SCARB1: variants seen among roughly 807,000 people sequenced by gnomAD.
SCARB1 encodes scavenger receptor class B member 1, also known as CD36 and LIMPII analogous 1.
SCARB1 carries 30 observed loss-of-function variants against 57.2 expected under a neutral mutation model. That is an observed-to-expected ratio of 0.52 (90% CI 0.39 to 0.71). SCARB1 has a LOEUF of 0.71. Among genes scored for constraint, SCARB1 ranks in the 30% least tolerant of loss-of-function variants. The pLI is 0.00. For missense variants in SCARB1, 543 were observed against 671.2 expected (o/e 0.81, Z 2.11); for synonymous variants, 249 against 268.3 (o/e 0.93, Z 0.70).
Position 124,814,079 on chromosome 12 carries a change from A to T in SCARB1, c.630+123T>A. 1.1e-6 allele frequency: 1 copy of T among 917,818 alleles called. No individual in the cohort carries two copies. Among genetic ancestry groups the T allele is most frequent in the Non-Finnish European group, 1.8e-6 (1 of 550,356 alleles). The allele number at this position is 917,818 out of a possible 1,614,324, so 56.9% of individuals were successfully genotyped here. ...GTTTGAGTCAGGTTCTCAGTCACTT[A>T]CAACCCACAGCCACTAGATCCCCAG... On this transcript the variant is annotated intron_variant, in intron 4 of 12. Transcript: ENST00000261693. The surrounding 1 kb of genome is among the most constrained non-coding windows in gnomAD (Gnocchi z 4.7).
rs199616248 is a variant in SCARB1 at position 124,787,381 on chromosome 12, G to A, written c.1254+25C>T. 2.4e-5 allele frequency: 39 copies of A among 1,611,942 alleles called. 1 individual carries two copies. Among genetic ancestry groups the A allele is most frequent in the Admixed American group, 1.3e-4 (8 of 59,864 alleles). ...ACATTGGCTCTTAACAAAAGCCCCC[G>A]ACGCTGTGCCCAACGCACCCTTACC... On this transcript the variant is annotated intron_variant, in intron 10 of 12. Coordinates refer to ENST00000261693, the MANE Select transcript of SCARB1 (RefSeq NM_005505.5).
At chr12:124,804,395 C>T (rs534193127) in intron 7 of SCARB1, among the ~76,000 whole-genome samples, 1 of 152,350 alleles carries the variant, frequency 6.6e-6, no homozygotes, top group Non-Finnish European at 1.5e-5. Flanking sequence ...AGGCAGCTTC[C>T]AGACAACATC....
intron 1 of SCARB1, among the ~76,000 whole-genome samples, chr12:124,827,884 T>A (rs1566212370): frequency 1.3e-5 from 2 of 152,234 alleles, no homozygotes; most frequent in East Asian, 1.9e-4. Flanking sequence ...TTGCTGTCCA[T>A]CTGTATCACC....
chr12:124,830,690 G>C (rs1951348621), intron 1 of SCARB1, among the ~76,000 whole-genome samples: 1 of 151,958 alleles, frequency 6.6e-6, no homozygotes, highest in South Asian at 2.1e-4. Flanking sequence ...TTTACACTTG[G>C]TATAGGGGGT....
chr12:124,810,211 C>G lies in SCARB1; in HGVS notation c.805G>C (p.Glu269Gln). 6.2e-7 allele frequency: 1 copy of G among 1,614,114 alleles called. No homozygotes were observed. Among genetic ancestry groups the G allele is most frequent in the Non-Finnish European group, 8.5e-7 (1 of 1,179,968 alleles). ...GQMWPPFMTP[E>Q]SSLEFYSPEA... ...GGGCTGTAGAACTCCAGCGAGGACT[C>G]AGGAGTCATGAAGGGCGGCCACATT... The change falls in exon 6 of 13, where the codon GAG becomes CAG. Residue 269 changes from glutamate (E) to glutamine (Q), a missense_variant. Transcript: ENST00000261693. This position sits in a 1 kb window ranked among gnomAD's most constrained non-coding sequence, Gnocchi z 4.0.
Position 124,810,368 on chromosome 12 carries a change from A to C in SCARB1, c.727-79T>G, listed in dbSNP as rs1444978865. Reference sequence around the variant, plus strand: ...AGCCCTCTCAGGTGCTGCACACCTAACTCACCCTGGTGCACGCACGGCCAC... The same window carrying C: ...AGCCCTCTCAGGTGCTGCACACCTACCTCACCCTGGTGCACGCACGGCCAC... On this transcript the variant is annotated intron_variant, in intron 5 of 12. Coordinates refer to ENST00000261693, the MANE Select transcript of SCARB1 (RefSeq NM_005505.5). This position sits in a 1 kb window ranked among gnomAD's most constrained non-coding sequence, Gnocchi z 4.0. 1.0e-6 allele frequency: 1 copy of C among 997,650 alleles called. No individual in the cohort carries two copies. The highest frequency in any genetic ancestry group is 1.8e-5 in the Admixed American group (1 of 56,286). The allele number at this position is 997,650 out of a possible 1,614,324, so 61.8% of individuals were successfully genotyped here.
rs1241662821 is a variant in SCARB1, at chr12:124,796,746, G to A, written c.1129-1478C>T. Among the ~76,000 whole-genome samples, 1 of 152,202 alleles carries A rather than the reference G, an allele frequency of 6.6e-6. No homozygotes were observed. Among genetic ancestry groups the A allele is most frequent in the African/African-American group, 2.4e-5 (1 of 41,450 alleles). On this transcript the variant is annotated intron_variant, in intron 8 of 12. Transcript: ENST00000261693. The surrounding 1 kb of genome is among the most constrained non-coding windows in gnomAD (Gnocchi z 4.0). ...GGACCTTCCAGGCCCCTGTGGCAAAGAAGAGCTCATTAAAGGCCTCACTTA... is the reference window on the plus strand; with the variant it reads ...GGACCTTCCAGGCCCCTGTGGCAAAAAAGAGCTCATTAAAGGCCTCACTTA...
At position 124,822,618 on chromosome 12, in the gene SCARB1, C is replaced by T. The variant is rs113537705; in HGVS notation, c.127-4911G>A. On this transcript the variant is annotated intron_variant, in intron 1 of 12. Transcript: ENST00000261693. The surrounding 1 kb of genome is among the most constrained non-coding windows in gnomAD (Gnocchi z 5.0). ...CATCAAATTAGGCCAGGCATGGTGG[C>T]TCACGCCTGTAATCCAAGGACTTTG... Among the ~76,000 whole-genome samples, 4 of 152,338 alleles carry T rather than the reference C, an allele frequency of 2.6e-5. 1 individual carries two copies. The highest frequency in any genetic ancestry group is 9.6e-5 in the African/African-American group (4 of 41,570).
rs947235408 is a variant in SCARB1, at chr12:124,796,400, A to T, written c.1129-1132T>A. Among the ~76,000 whole-genome samples the T allele has an allele frequency of 6.6e-6, 1 of 151,510 alleles. No homozygotes were observed. Among genetic ancestry groups the T allele is most frequent in the Non-Finnish European group, 1.5e-5 (1 of 67,950 alleles). ...CCACTATACCCAGCTCTTTTTAACG[A>T]GACTTTTTTTTTTAAGTAAATAACC... On this transcript the variant is annotated intron_variant, in intron 8 of 12. Coordinates refer to ENST00000261693, the MANE Select transcript of SCARB1 (RefSeq NM_005505.5). The surrounding 1 kb of genome is among the most constrained non-coding windows in gnomAD (Gnocchi z 4.0).
chr12:124,833,142 A>G (rs1277760171), intron 1 of SCARB1, among the ~76,000 whole-genome samples: 1 of 150,070 alleles, frequency 6.7e-6, no homozygotes, highest in African/African-American at 2.5e-5. Context: ...TTGTGAAAGC[A>G]TTGTGGCCCC....
intron 1 of SCARB1, among the ~76,000 whole-genome samples, chr12:124,821,741 C>T (rs1012199323): frequency 6.6e-6 from 1 of 152,118 alleles, no homozygotes; most frequent in Admixed American, 6.6e-5. Context: ...GTCTGAAGAC[C>T]CCGGGCACCA....
intron 1 of SCARB1, among the ~76,000 whole-genome samples, chr12:124,858,993 G>A (rs1368901944): frequency 3.3e-5 from 5 of 152,114 alleles, no homozygotes; most frequent in African/African-American, 7.2e-5. Context: ...TCCCACCTCA[G>A]CCTCTCAAGT....
intron 2 of SCARB1, among the ~76,000 whole-genome samples, 182 bp from the exon 3 acceptor site, chr12:124,815,296 G>A (rs932617585): frequency 1.1e-4 from 17 of 152,200 alleles, no homozygotes; most frequent in African/African-American, 3.4e-4. Context: ...CCTGCCCACT[G>A]CAGGACATGG....
intron 12 of SCARB1, among the ~76,000 whole-genome samples, chr12:124,778,912 A>C (rs2135510460): frequency 6.6e-6 from 1 of 152,302 alleles, no homozygotes; most frequent in South Asian, 2.1e-4. Flanking sequence ...AACCGGGGCA[A>C]GCTCTGTCCC....
rs374272658 is a variant in SCARB1, at chr12:124,844,741, G to T, written c.126+18854C>A. The stretch of plus-strand genomic sequence containing the variant: ...GCCAACATCCTGATCTCAGACTTCC[G>T]GCCTCCAGAACTGTACGGGAATACA... On this transcript the variant is annotated intron_variant, in intron 1 of 12. Transcript: ENST00000261693. Among the ~76,000 whole-genome samples, 6 of 152,244 alleles carry T rather than the reference G, an allele frequency of 3.9e-5. No individual in the cohort carries two copies. The East Asian group carries it at 1.2e-3, about 29-fold the overall frequency.
At chr12:124,790,404 CAG>C (rs918460613) in intron 9 of SCARB1, among the ~76,000 whole-genome samples, 3 of 149,408 alleles carry the variant, frequency 2.0e-5, no homozygotes, top group African/African-American at 7.5e-5. Flanking sequence ...AACAACAAAA[CAG>C]GGAGGGCTAG....
At chr12:124,856,817 C>T (rs558003730) in intron 1 of SCARB1, among the ~76,000 whole-genome samples, 13 of 152,316 alleles carry the variant, frequency 8.5e-5, no homozygotes, top group African/African-American at 2.6e-4. Flanking sequence ...GTCCAGCCCC[C>T]GGGGTCACTG....
intron 9 of SCARB1, among the ~76,000 whole-genome samples, chr12:124,791,469 A>G (rs1404855809): frequency 6.6e-6 from 1 of 152,182 alleles, no homozygotes; most frequent in African/African-American, 2.4e-5. Flanking sequence ...GCAGTAATAC[A>G]TGTAAAGTGC....
At chr12:124,862,914 CAG>C (rs1392943880) in intron 1 of SCARB1, among the ~76,000 whole-genome samples, 1 of 152,234 alleles carries the variant, frequency 6.6e-6, no homozygotes, top group African/African-American at 2.4e-5. Context: ...TGCGTGCACT[CAG>C]AGGACCTTGG....
Sources: gnomAD v4.1 joint callset for allele counts (sites outside exome capture counted in the v4.1 genomes callset) on GRCh38, gnomAD v4.1.1 for gene constraint, Gnocchi (gnomAD v3.1) non-coding constraint, MANE v1.5 for transcripts, NCBI Gene and HGNC (gene_info 2026-07-23, HGNC 2026-07-21) for gene names.